Variants in TRAPPC9 observed in about 807,000 individuals in gnomAD.
The protein encoded by TRAPPC9 is trafficking protein particle complex subunit 9, also known as IKK2 binding protein.
A neutral mutation model predicts 124.0 loss-of-function variants in TRAPPC9; 83 were observed. The observed-to-expected ratio is 0.67, with a 90% CI of 0.56 to 0.80. The LOEUF (loss-of-function observed/expected upper bound fraction) is 0.80. Ranked by LOEUF, TRAPPC9 falls within the 30% of genes least tolerant of loss-of-function variation. The pLI is 0.00. For missense variants in TRAPPC9, 1,302 were observed against 1,508.3 expected, an observed-to-expected ratio of 0.86 and a Z score of 2.27; for synonymous variants, 638 against 617.5, an observed-to-expected ratio of 1.03 and a Z score of -0.49.
intron 5 of TRAPPC9, among the ~76,000 whole-genome samples, chr8:140,406,006 A>C: frequency 6.6e-6 from 1 of 152,240 alleles, no homozygotes; most frequent in East Asian, 1.9e-4. Flanking sequence ...GCAATGGTGA[A>C]GTCAGCACAC....
chr8:139,904,881 C>T (rs1275067182), intron 20 of TRAPPC9: 2 of 152,252 alleles, frequency 1.3e-5, no homozygotes, highest in East Asian at 3.9e-4. Flanking sequence ...ACCCCAGGCT[C>T]CAGTCCTCAA....
chr8:140,302,154 G>A (rs1244903650), intron 10 of TRAPPC9, among the ~76,000 whole-genome samples: 12 of 152,078 alleles, frequency 7.9e-5, no homozygotes, highest in African/African-American at 1.2e-4. Flanking sequence ...TACAGCACTC[G>A]GCAGACAATC....
At chr8:140,378,029 T>C (rs1288396198) in intron 7 of TRAPPC9, among the ~76,000 whole-genome samples, 1 of 152,184 alleles carries the variant, frequency 6.6e-6, no homozygotes, top group Non-Finnish European at 1.5e-5. Context: ...ATTTGGGGTC[T>C]AACATCTCAA....
At chr8:140,025,031 G>C (rs1014859097) in intron 17 of TRAPPC9, among the ~76,000 whole-genome samples, 2 of 152,206 alleles carry the variant, frequency 1.3e-5, no homozygotes, top group African/African-American at 2.4e-5. Context: ...GCGGTACCCA[G>C]TGAGAGGCGA....
intron 10 of TRAPPC9, among the ~76,000 whole-genome samples, chr8:140,310,192 G>T (rs1348605086): frequency 6.6e-6 from 1 of 152,040 alleles, no homozygotes; most frequent in Non-Finnish European, 1.5e-5. Flanking sequence ...TAATGCTATC[G>T]GTTTTCTTCT....
chr8:140,024,438 G>A (rs756043534), intron 17 of TRAPPC9, among the ~76,000 whole-genome samples: 23 of 149,754 alleles, frequency 1.5e-4, no homozygotes, highest in Middle Eastern at 6.9e-3. Context: ...TTACTCTGTC[G>A]CCCAGGCTGG....
chr8:139,748,601 C>G (rs1481070503), intron 21 of TRAPPC9, among the ~76,000 whole-genome samples: 1 of 149,888 alleles, frequency 6.7e-6, no homozygotes, highest in African/African-American at 2.5e-5. Context: ...TGCAGGAGTA[C>G]TGAGGGGCTG....
At chr8:139,807,256 C>A (rs1289323474) in intron 21 of TRAPPC9, among the ~76,000 whole-genome samples, 4 of 152,202 alleles carry the variant, frequency 2.6e-5, no homozygotes, top group Non-Finnish European at 5.9e-5. Flanking sequence ...GCCAAGGCCA[C>A]AGCGGTGCAG....
At chr8:140,374,577 AAAAAG>A (rs1214709831) in intron 7 of TRAPPC9, among the ~76,000 whole-genome samples, 5 of 152,194 alleles carry the variant, frequency 3.3e-5, no homozygotes, top group East Asian at 1.9e-4. Flanking sequence ...TGTCAAAAAA[AAAAAG>A]AAAAGAAAAG....
intron 17 of TRAPPC9, among the ~76,000 whole-genome samples, chr8:140,048,740 C>T (rs1365700551): frequency 1.3e-5 from 2 of 152,140 alleles, no homozygotes; most frequent in African/African-American, 4.8e-5. Context: ...AGTGGAGGTG[C>T]GGGGTCCAGC....
At chr8:139,954,541 G>A (rs1290297494) in intron 19 of TRAPPC9, among the ~76,000 whole-genome samples, 2 of 152,136 alleles carry the variant, frequency 1.3e-5, no homozygotes, top group Non-Finnish European at 2.9e-5. Context: ...CCCAGTCTGT[G>A]GTACTTTGTT....
intron 10 of TRAPPC9, among the ~76,000 whole-genome samples, chr8:140,309,238 C>T (rs1041753054): frequency 2.0e-5 from 3 of 152,242 alleles, no homozygotes; most frequent in East Asian, 3.8e-4. Flanking sequence ...GCTTCCTAGG[C>T]GCTAGGCATG....
chr8:139,846,570 C>T (rs1016567568), intron 21 of TRAPPC9, among the ~76,000 whole-genome samples: 1 of 152,190 alleles, frequency 6.6e-6, no homozygotes, highest in African/African-American at 2.4e-5. Context: ...AGAAATTCAC[C>T]CCCACACACA....
intron 17 of TRAPPC9, among the ~76,000 whole-genome samples, chr8:140,205,377 A>G (rs555298882): frequency 3.9e-5 from 6 of 152,394 alleles, no homozygotes; most frequent in African/African-American, 1.4e-4. Context: ...CCAAACTACA[A>G]TATGTAGAAA....
chr8:140,009,348 C>T (rs1838971430), intron 18 of TRAPPC9, among the ~76,000 whole-genome samples: 1 of 152,296 alleles, frequency 6.6e-6, no homozygotes, highest in Non-Finnish European at 1.5e-5. Context: ...CTCATTTTAA[C>T]AAGTACAGTC....
intron 18 of TRAPPC9, among the ~76,000 whole-genome samples, chr8:140,011,019 G>T (rs982641940): frequency 6.6e-6 from 1 of 152,086 alleles, no homozygotes; most frequent in Non-Finnish European, 1.5e-5. Context: ...ATTTGCAAAA[G>T]ATTAAAATTT....
intron 21 of TRAPPC9, among the ~76,000 whole-genome samples, chr8:139,773,915 TGGA>T (rs1323746686): frequency 1.3e-5 from 2 of 152,156 alleles, no homozygotes; most frequent in African/African-American, 4.8e-5. Context: ...GCATGTTCAG[TGGA>T]GAAGTCAGAA....
At chr8:140,086,889 G>A (rs1368349151) in intron 17 of TRAPPC9, among the ~76,000 whole-genome samples, 1 of 151,888 alleles carries the variant, frequency 6.6e-6, no homozygotes, top group East Asian at 1.9e-4. Context: ...CCAAGATCAC[G>A]CCACTGTACT....
intron 17 of TRAPPC9, among the ~76,000 whole-genome samples, chr8:140,193,622 GAAAAAAAAAAAA>G (rs72383095): frequency 1.3e-4 from 10 of 77,334 alleles, no homozygotes; most frequent in African/African-American, 4.6e-4. Flanking sequence ...TGTACTTTCA[GAAAAAAAAAAAA>G]AAAAAAAAAA....
Sources: allele counts gnomAD v4.1 joint callset (sites outside exome capture counted in the v4.1 genomes callset), GRCh38; gene constraint gnomAD v4.1.1; transcripts MANE v1.5; gene names NCBI Gene and HGNC (gene_info 2026-07-23, HGNC 2026-07-21).